Variants in OCA2 observed in about 807,000 individuals in gnomAD.
OCA2 encodes OCA2 melanosomal transmembrane protein.
Under a neutral mutation model 100.2 loss-of-function variants are expected in OCA2, and 77 were observed. That is an observed-to-expected ratio of 0.77 (90% CI 0.64 to 0.93). OCA2 has a LOEUF of 0.93. OCA2 is among the 40% of genes least tolerant of loss of function. The probability of loss-of-function intolerance (pLI) is 0.00; values close to 1 mark genes in which losing one functional copy is unlikely to be tolerated. For synonymous variants in OCA2, 432 were observed against 439.2 expected, an observed-to-expected ratio of 0.98 and a Z score of 0.21; for missense variants, 1,062 against 1,089.1, an observed-to-expected ratio of 0.98 and a Z score of 0.35.
At position 28,069,376 on chromosome 15, in the gene OCA2, C is replaced by G. The variant is rs1327241832; in HGVS notation, c.227+12272G>C. Among the ~76,000 whole-genome samples, 14 of 18,312 alleles carry G rather than the reference C, an allele frequency of 7.6e-4. No individual in the cohort carries two copies. In the African/African-American group the frequency reaches 9.4e-3, roughly 12 times the overall value. 12.0% of individuals were successfully genotyped at this position (18,312 alleles called of 152,430 possible). The stretch of plus-strand genomic sequence containing the variant: ...ACCTGCCCTCTCCCTCTCCCTCTCC[C>G]TCTCCCTCCCCCTCCCCCTCCCCCT... On this transcript the variant is annotated intron_variant, in intron 2 of 23. Transcript: ENST00000354638.
intron 21 of OCA2, among the ~76,000 whole-genome samples, chr15:27,857,471 G>A (rs541403105): frequency 1.3e-5 from 2 of 152,234 alleles, no homozygotes; most frequent in Non-Finnish European, 2.9e-5. Flanking sequence ...AAGAGCTCTG[G>A]AAATGGATCG....
intron 19 of OCA2, among the ~76,000 whole-genome samples, chr15:27,883,536 A>G (rs115305247): frequency 0.016 from 2,368 of 152,268 alleles, 54 homozygotes; most frequent in African/African-American, 0.05. Flanking sequence ...GACCACCTAG[A>G]GTCCTGGGAC....
intron 19 of OCA2, among the ~76,000 whole-genome samples, chr15:27,899,122 C>T (rs1395666142): frequency 2.6e-5 from 4 of 152,104 alleles, no homozygotes; most frequent in Non-Finnish European, 5.9e-5. Flanking sequence ...ATGGTTGGCT[C>T]AATATTTGAA....
chr15:27,877,421 G>C (rs1376378217), intron 19 of OCA2, among the ~76,000 whole-genome samples: 1 of 151,830 alleles, frequency 6.6e-6, no homozygotes, highest in Non-Finnish European at 1.5e-5. Flanking sequence ...TTTCTGAAGA[G>C]TGATAAAATC....
intron 9 of OCA2, among the ~76,000 whole-genome samples, chr15:28,001,436 G>A (rs1241251559): frequency 6.6e-6 from 1 of 152,152 alleles, no homozygotes; most frequent in Admixed American, 6.5e-5. Flanking sequence ...GAGCTCTGGG[G>A]TCAGGGGTGG....
At chr15:27,879,298 T>C (rs558608880) in intron 19 of OCA2, among the ~76,000 whole-genome samples, 3 of 152,314 alleles carry the variant, frequency 2.0e-5, no homozygotes, top group East Asian at 3.9e-4. Flanking sequence ...CTATTGTGAA[T>C]AGTGCTGCAG....
rs1449671288 is a variant in OCA2 at position 27,755,159 on chromosome 15, C to G, written c.*229G>C. On this transcript the variant is annotated 3_prime_UTR_variant, in exon 24 of 24. Transcript: ENST00000354638. ...GAATCTTGAGTAAGTTATCTCACAT[C>G]TTTCTACATTTTGTCCTTGGGGAGA... The G allele has an allele frequency of 5.9e-6, 3 of 507,976 alleles. No individual in the cohort carries two copies. Among genetic ancestry groups the G allele is most frequent in the African/African-American group, 1.9e-5 (1 of 51,710 alleles). 31.5% of individuals were successfully genotyped at this position (507,976 alleles called of 1,614,324 possible).
intron 23 of OCA2, among the ~76,000 whole-genome samples, chr15:27,808,928 G>A (rs1207069518): frequency 6.6e-6 from 1 of 152,124 alleles, no homozygotes; most frequent in Non-Finnish European, 1.5e-5. Context: ...GGGATCGTGG[G>A]GTATGCCATC....
intron 1 of OCA2, among the ~76,000 whole-genome samples, chr15:28,084,483 C>T (rs937487164): frequency 6.6e-6 from 1 of 152,176 alleles, no homozygotes; most frequent in Non-Finnish European, 1.5e-5. Flanking sequence ...ACCTGATAAA[C>T]GAGTTTTTTA....
chr15:27,850,008 T>G (rs1567021576), intron 22 of OCA2, among the ~76,000 whole-genome samples: 1 of 152,310 alleles, frequency 6.6e-6, no homozygotes, highest in Middle Eastern at 3.4e-3. Flanking sequence ...CATTATTCGC[T>G]GCATCCCTGC....
chr15:27,799,543 G>C (rs985983010), intron 23 of OCA2, among the ~76,000 whole-genome samples: 2 of 152,030 alleles, frequency 1.3e-5, no homozygotes, highest in African/African-American at 4.8e-5. Flanking sequence ...TCAGGAGCTC[G>C]AGACCAACCT....
chr15:27,769,646 A>T (rs991694605), intron 23 of OCA2, among the ~76,000 whole-genome samples: 10 of 131,488 alleles, frequency 7.6e-5, no homozygotes, highest in South Asian at 4.2e-4. Context: ...CTATTGAAAT[A>T]AAAAAAAAGG....
chr15:28,034,578 C>A (rs1027147114), intron 2 of OCA2, among the ~76,000 whole-genome samples: 6 of 152,246 alleles, frequency 3.9e-5, no homozygotes, highest in African/African-American at 1.4e-4. Flanking sequence ...GAGTTCACAA[C>A]CAGCCTGGGC....
chr15:27,887,930 GA>G (rs1216458968), intron 19 of OCA2, among the ~76,000 whole-genome samples: 1 of 151,296 alleles, frequency 6.6e-6, no homozygotes, highest in Middle Eastern at 3.2e-3. Context: ...GTGGTGAGTG[GA>G]CAGAACCTGA....
intron 18 of OCA2, among the ~76,000 whole-genome samples, chr15:27,942,331 G>A (rs2039677260): frequency 1.3e-5 from 2 of 151,326 alleles, no homozygotes; most frequent in South Asian, 4.2e-4. Flanking sequence ...CAAATGAAAT[G>A]AAGCACTAAT....
chr15:27,931,002 T>C (rs915044449), intron 18 of OCA2, among the ~76,000 whole-genome samples: 7 of 152,166 alleles, frequency 4.6e-5, no homozygotes, highest in Non-Finnish European at 1.0e-4. Context: ...ATCTGATTGA[T>C]AGTTATGTGT....
chr15:27,883,154 T>C (rs1467642038), intron 19 of OCA2, among the ~76,000 whole-genome samples: 7 of 152,106 alleles, frequency 4.6e-5, no homozygotes, highest in Admixed American at 2.0e-4. Context: ...GGCCAAAAGA[T>C]GGGGTTGCTA....
chr15:27,794,903 T>C (rs2033260130), intron 23 of OCA2, among the ~76,000 whole-genome samples: 1 of 152,226 alleles, frequency 6.6e-6, no homozygotes. Context: ...TTTCAATCTC[T>C]GGTTCTTTTC....
the OCA2 span, among the ~76,000 whole-genome samples, chr15:27,727,895 A>G: frequency 2.0e-5 from 3 of 152,202 alleles, no homozygotes; most frequent in Admixed American, 1.3e-4. Flanking sequence ...ACACATCTGC[A>G]AAGTCTCCTT....
Sources: allele counts gnomAD v4.1 joint callset (sites outside exome capture counted in the v4.1 genomes callset), GRCh38; gene constraint gnomAD v4.1.1; transcripts MANE v1.5; gene names NCBI Gene and HGNC (gene_info 2026-07-23, HGNC 2026-07-21).